AP3M2: variants seen among roughly 807,000 people sequenced by gnomAD.
The protein encoded by AP3M2 is adaptor related protein complex 3 subunit mu 2.
Under a neutral mutation model 41.6 loss-of-function variants are expected in AP3M2, and 28 were observed. That is an observed-to-expected ratio of 0.67 (90% CI 0.50 to 0.92). The LOEUF is 0.92. Ranked by LOEUF, AP3M2 falls within the 40% of genes least tolerant of loss-of-function variation. AP3M2 has a pLI of 0.00. For synonymous variants in AP3M2, 193 were observed against 186.4 expected, an observed-to-expected ratio of 1.04 and a Z score of -0.29; for missense variants, 427 against 521.4, an observed-to-expected ratio of 0.82 and a Z score of 1.76.
Position 42,167,303 on chromosome 8 carries a change from C to T in AP3M2, c.943C>T (p.Pro315Ser), listed in dbSNP as rs761128213. Reference sequence around the variant, plus strand: ...GGGAGTGACTGTCACCAGCCAGATGCCCAAGGGGGTCCTGAACATGAGCCT... The same window carrying T: ...GGGAGTGACTGTCACCAGCCAGATGTCCAAGGGGGTCCTGAACATGAGCCT... ...IEGVTVTSQM[P>S]KGVLNMSLTP... Residue 315 changes from proline (P) to serine (S), a missense_variant, in exon 7 of 9, where the codon CCC (proline) becomes TCC (serine). Coordinates refer to ENST00000396926, the MANE Select transcript of AP3M2 (RefSeq NM_006803.4). The T allele has an allele frequency of 1.9e-6, 3 of 1,614,112 alleles. No individual in the cohort carries two copies. Among genetic ancestry groups the T allele is most frequent in the Non-Finnish European group, 2.5e-6 (3 of 1,180,028 alleles).
intron 6 of AP3M2, among the ~76,000 whole-genome samples, chr8:42,166,586 C>T (rs1295871487): frequency 3.9e-5 from 2 of 51,722 alleles, no homozygotes; most frequent in African/African-American, 1.3e-4. Flanking sequence ...CAAACCTTGT[C>T]TCTACAAAAA....
In AP3M2 at chr8:42,169,995, TC is replaced by T. The variant is rs1804752381; in HGVS notation, c.*938del. 2 of 152,152 alleles carry T rather than the reference TC, an allele frequency of 1.3e-5. No homozygotes were observed. Among genetic ancestry groups the T allele is most frequent in the Admixed American group, 1.3e-4 (2 of 15,274 alleles). The allele number at this position is 152,152 out of a possible 1,614,324, so 9.4% of individuals were successfully genotyped here. On this transcript the variant is annotated 3_prime_UTR_variant, in exon 9 of 9. Coordinates refer to ENST00000396926, the MANE Select transcript of AP3M2 (RefSeq NM_006803.4). ...AGTTTCAGAGAAGCCGATCCCATAA[TC>T]CCCAGTGCAGCCAGGGTTTGTGTGT...
intron 3 of AP3M2, among the ~76,000 whole-genome samples, chr8:42,159,019 G>A (rs1330077814): frequency 6.6e-6 from 1 of 151,914 alleles, no homozygotes; most frequent in Non-Finnish European, 1.5e-5. Flanking sequence ...GGTCTCTAAT[G>A]CCTGACCTCA....
At chr8:42,161,662 G>T (rs752811611) in intron 3 of AP3M2, among the ~76,000 whole-genome samples, 1 of 151,940 alleles carries the variant, frequency 6.6e-6, no homozygotes, top group African/African-American at 2.4e-5. Context: ...ATGGAAGAAG[G>T]AAATAGAATT....
chr8:42,167,672 T>C lies in AP3M2; in HGVS notation c.1018T>C (p.Ser340Pro), dbSNP rs1160651500. The C allele has an allele frequency of 1.9e-6, 3 of 1,610,244 alleles. No individual in the cohort carries two copies. Among genetic ancestry groups the C allele is most frequent in the Non-Finnish European group, 2.5e-6 (3 of 1,179,132 alleles). ...HTFDPVTKML[S>P]WDVGKINPQK... The stretch of plus-strand genomic sequence containing the variant: ...ATTTTTATTTTCTTTGAAGATGCTG[T>C]CTTGGGATGTAGGAAAAATAAATCC... Residue 340 changes from serine to proline, a missense_variant, in exon 8 of 9, where the codon TCT (serine) becomes CCT (proline). Coordinates refer to ENST00000396926, the MANE Select transcript of AP3M2 (RefSeq NM_006803.4).
At chr8:42,159,542 A>AT (rs1007947140) in intron 3 of AP3M2, among the ~76,000 whole-genome samples, 1 of 151,540 alleles carries the variant, frequency 6.6e-6, no homozygotes, top group African/African-American at 2.4e-5. Context: ...TCCTTTGTTC[A>AT]TTTTTTTGTT....
chr8:42,165,671 A>T (rs902681183), intron 6 of AP3M2, 111 bp downstream of exon 6: 1 of 1,366,710 alleles, frequency 7.3e-7, no homozygotes, highest in Non-Finnish European at 1.0e-6. Flanking sequence ...TTCACATTCC[A>T]GCTTCTGTGG....
At chr8:42,159,061 C>G (rs1804438005) in intron 3 of AP3M2, among the ~76,000 whole-genome samples, 2 of 152,196 alleles carry the variant, frequency 1.3e-5, no homozygotes, top group African/African-American at 4.8e-5. Flanking sequence ...TCCCAAAGTT[C>G]TGGGATTACA....
rs1463154689 is a variant in AP3M2 at position 42,170,168 on chromosome 8, G to GA, written c.*1112dup. 2 of 152,218 alleles carry GA rather than the reference G, an allele frequency of 1.3e-5. No homozygotes were observed. Among genetic ancestry groups the GA allele is most frequent in the Non-Finnish European group, 2.9e-5 (2 of 68,044 alleles). 9.4% of individuals were successfully genotyped at this position (152,218 alleles called of 1,614,324 possible). ...GGAAACTTTTCCATCTGTCGCCCTA[G>GA]AAAAAGAGAAAGCTTACCATCGAGG... is the stretch of plus-strand genomic sequence containing the variant. On this transcript the variant is annotated 3_prime_UTR_variant, in exon 9 of 9. Coordinates refer to ENST00000396926, the MANE Select transcript of AP3M2 (RefSeq NM_006803.4).
At chr8:42,163,681 CAG>C (rs1001367677) in intron 4 of AP3M2, among the ~76,000 whole-genome samples, 2 of 152,154 alleles carry the variant, frequency 1.3e-5, no homozygotes, top group African/African-American at 4.8e-5. Context: ...AGTTTGAAAA[CAG>C]ATGCAATTTA....
At chr8:42,153,952 GT>G (rs1024520020) in intron 1 of AP3M2, 1 of 152,058 alleles carries the variant, frequency 6.6e-6, no homozygotes, top group Non-Finnish European at 1.5e-5. Flanking sequence ...AATTGTACAT[GT>G]TCTGGTAACC....
intron 2 of AP3M2, among the ~76,000 whole-genome samples, chr8:42,157,409 A>G (rs1337290639): frequency 6.6e-6 from 1 of 152,238 alleles, no homozygotes; most frequent in African/African-American, 2.4e-5. Context: ...CCTTTTAAAT[A>G]AAAGGACAAA....
At chr8:42,161,486 G>A (rs1302271486) in intron 3 of AP3M2, among the ~76,000 whole-genome samples, 1 of 152,030 alleles carries the variant, frequency 6.6e-6, no homozygotes, top group Non-Finnish European at 1.5e-5. Flanking sequence ...GCACGCGCCT[G>A]TAGTCCCAGC....
chr8:42,166,444 A>G (rs767446027), intron 6 of AP3M2, among the ~76,000 whole-genome samples: 1 of 152,068 alleles, frequency 6.6e-6, no homozygotes, highest in Non-Finnish European at 1.5e-5. Flanking sequence ...CTGTCAAATC[A>G]TGACAGCCTA....
intron 3 of AP3M2, 67 bp downstream of exon 3, chr8:42,158,179 G>GC (rs1372844018): frequency 6.6e-7 from 1 of 1,515,916 alleles, no homozygotes; most frequent in Non-Finnish European, 9.1e-7. Context: ...GTCGAGTGTC[G>GC]CACATTGTTT....
rs1009713450 is a variant in AP3M2, at chr8:42,169,160, T to G, written c.*99T>G. The stretch of plus-strand genomic sequence containing the variant: ...CAGCCTGTCTCCTAGGTCAGTCCCC[T>G]CCTGGACCCACCCGCTCCCTTTTTT... On this transcript the variant is annotated 3_prime_UTR_variant, in exon 9 of 9. Coordinates refer to ENST00000396926, the MANE Select transcript of AP3M2 (RefSeq NM_006803.4). The G allele has an allele frequency of 2.9e-5, 27 of 930,400 alleles. No individual in the cohort carries two copies. The South Asian group carries it at 3.9e-4, about 14-fold the overall frequency. The allele number at this position is 930,400 out of a possible 1,614,324, so 57.6% of individuals were successfully genotyped here. A position where few individuals can be genotyped will look rare whatever the true frequency, so the allele number is the denominator to read the frequency against.
chr8:42,162,357 T>C lies in AP3M2; in HGVS notation c.522T>C (p.Tyr174=), dbSNP rs2150959094. ...VVPWRRTGVK[Y]TNNEAYFDVI... ...CTTGGCGACGGACTGGGGTGAAATA[T>C]ACCAACAATGAGGCCTATTTTGATG... The change falls in exon 4 of 9, where the codon TAT becomes TAC. Residue 174 remains tyrosine (Y), a synonymous_variant. Transcript: ENST00000396926. 2 of 1,613,814 alleles carry C rather than the reference T, an allele frequency of 1.2e-6. No homozygotes were observed. Among genetic ancestry groups the C allele is most frequent in the African/African-American group, 1.3e-5 (1 of 75,028 alleles).
At position 42,167,157 on chromosome 8, in the gene AP3M2, T is replaced by C; in HGVS notation, c.804-7T>C. On this transcript the variant is annotated splice_polypyrimidine_tract_variant and splice_region_variant and intron_variant, in intron 6 of 8. Coordinates refer to ENST00000396926, the MANE Select transcript of AP3M2 (RefSeq NM_006803.4). ...GAATGAAATGACTCTTTGTCTCTCA[T>C]TTCCAGTCTGGTTGCAATCCCAGTG... 8.7e-6 allele frequency: 14 copies of C among 1,613,872 alleles called. No individual in the cohort carries two copies. Among genetic ancestry groups the C allele is most frequent in the Non-Finnish European group, 1.2e-5 (14 of 1,179,762 alleles).
chr8:42,161,282 C>A (rs139486737), intron 3 of AP3M2, among the ~76,000 whole-genome samples: 15 of 152,148 alleles, frequency 9.9e-5, no homozygotes, highest in African/African-American at 3.4e-4. Flanking sequence ...CCACTGAACT[C>A]CAGCATGGGC....
Sources: gnomAD v4.1 joint callset for allele counts (sites outside exome capture counted in the v4.1 genomes callset) on GRCh38, gnomAD v4.1.1 for gene constraint, MANE v1.5 for transcripts, NCBI Gene and HGNC (gene_info 2026-07-23, HGNC 2026-07-21) for gene names.